ARFGEF3: variants seen among roughly 807,000 people sequenced by gnomAD.
ARFGEF3 encodes the protein brefeldin A-inhibited guanine nucleotide-exchange protein 3.
ARFGEF3 carries 96 observed loss-of-function variants against 221.7 expected under a neutral mutation model. The observed-to-expected ratio is 0.43, with a 90% CI of 0.37 to 0.51. The LOEUF (loss-of-function observed/expected upper bound fraction) is 0.51. Among genes scored for constraint, ARFGEF3 ranks in the 20% least tolerant of loss-of-function variants. ARFGEF3 has a pLI of 0.00. For missense variants in ARFGEF3, 2,410 were observed against 2,789.9 expected, an observed-to-expected ratio of 0.86 and a Z score of 3.07; for synonymous variants, 1,145 against 1,126.8, an observed-to-expected ratio of 1.02 and a Z score of -0.32.
Position 138,254,002 on chromosome 6 carries a change from A to C in ARFGEF3, c.770+18A>C, listed in dbSNP as rs368998989. The C allele has an allele frequency of 9.6e-5, 145 of 1,507,880 alleles. No homozygotes were observed. The African/African-American group carries it at 1.6e-3, about 17-fold the overall frequency. 93.4% of individuals were successfully genotyped at this position (1,507,880 alleles called of 1,614,324 possible). A position where few individuals can be genotyped will look rare whatever the true frequency, so the allele number is the denominator to read the frequency against. On this transcript the variant is annotated intron_variant, in intron 9 of 33. Transcript: ENST00000251691. ...CTGATCTGGTGAGCACCCACTCCTG[A>C]CGCCCCGACGCTGATGCCAACCCAA... is the stretch of plus-strand genomic sequence containing the variant.
intron 2 of ARFGEF3, among the ~76,000 whole-genome samples, chr6:138,199,749 C>G (rs1008139030): frequency 1.3e-5 from 2 of 152,162 alleles, no homozygotes; most frequent in African/African-American, 4.8e-5. Flanking sequence ...TTGCTGAATT[C>G]TTTTATCAGT....
intron 27 of ARFGEF3, among the ~76,000 whole-genome samples, chr6:138,318,809 T>A (rs1190451745): frequency 6.6e-6 from 1 of 152,222 alleles, no homozygotes; most frequent in Non-Finnish European, 1.5e-5. Context: ...ATTTTCATTA[T>A]AGCATAGTCT....
Position 138,242,837 on chromosome 6 carries a change from C to T in ARFGEF3, c.544-115C>T. 13 of 792,632 alleles carry T rather than the reference C, an allele frequency of 1.6e-5. No individual in the cohort carries two copies. The South Asian group carries it at 1.9e-4, about 12-fold the overall frequency. The allele number at this position is 792,632 out of a possible 1,614,324, so 49.1% of individuals were successfully genotyped here. On this transcript the variant is annotated intron_variant, in intron 6 of 33. Coordinates refer to ENST00000251691, the MANE Select transcript of ARFGEF3 (RefSeq NM_020340.5). The stretch of plus-strand genomic sequence containing the variant: ...GTAGGGGTGGGCTCAGGCAAGGTAG[C>T]CGAGCCCAGGGCACCCCGGAAGCCA...
In ARFGEF3 at chr6:138,162,193, G is replaced by A; in HGVS notation, c.85+22G>A. ...CTGGGTAAGCGTCCGGCACCTGCTCGCCGCGGCGGGAGGGCCGCGCGGCCG... is the reference window on the plus strand; with the variant it reads ...CTGGGTAAGCGTCCGGCACCTGCTCACCGCGGCGGGAGGGCCGCGCGGCCG... On this transcript the variant is annotated intron_variant, in intron 1 of 33. Coordinates refer to ENST00000251691, the MANE Select transcript of ARFGEF3 (RefSeq NM_020340.5). The surrounding 1 kb of genome is among the most constrained non-coding windows in gnomAD (Gnocchi z 4.7). 1.9e-6 allele frequency: 3 copies of A among 1,577,758 alleles called. No homozygotes were observed. The highest frequency in any genetic ancestry group is 2.4e-5 in the East Asian group (1 of 42,214).
At chr6:138,235,726 C>T (rs930250112) in intron 5 of ARFGEF3, among the ~76,000 whole-genome samples, 1 of 152,130 alleles carries the variant, frequency 6.6e-6, no homozygotes, top group African/African-American at 2.4e-5. Flanking sequence ...AAGAAACTTT[C>T]CTTTAGAAGA....
At position 138,342,446 on chromosome 6, in the gene ARFGEF3, G is replaced by C. The variant is rs1030314130; in HGVS notation, c.*5960G>C. ...ACAGCAGTCTTGCTCAATCTTCCCA[G>C]TTTCCAGTTTTATTATACCAACAAT... On this transcript the variant is annotated 3_prime_UTR_variant, in exon 34 of 34. Coordinates refer to ENST00000251691, the MANE Select transcript of ARFGEF3 (RefSeq NM_020340.5). 4.3e-4 allele frequency: 65 copies of C among 152,260 alleles called. No homozygotes were observed. The highest frequency in any genetic ancestry group is 1.4e-3 in the African/African-American group (57 of 41,548). 9.4% of individuals were successfully genotyped at this position (152,260 alleles called of 1,614,324 possible). A position where few individuals can be genotyped will look rare whatever the true frequency, so the allele number is the denominator to read the frequency against.
At chr6:138,173,011 A>G (rs1776869566) in intron 2 of ARFGEF3, among the ~76,000 whole-genome samples, 1 of 152,212 alleles carries the variant, frequency 6.6e-6, no homozygotes, top group Admixed American at 6.5e-5. Flanking sequence ...AGAGAAGTAT[A>G]GTAGGGAGGT....
chr6:138,332,206 T>C (rs906868154), intron 32 of ARFGEF3, among the ~76,000 whole-genome samples: 1 of 152,148 alleles, frequency 6.6e-6, no homozygotes, highest in African/African-American at 2.4e-5. Flanking sequence ...TCCAGAATCC[T>C]AGGGGAGTGG....
At chr6:138,325,021 A>G (rs2114685969) in intron 31 of ARFGEF3, among the ~76,000 whole-genome samples, 1 of 152,384 alleles carries the variant, frequency 6.6e-6, no homozygotes, top group Admixed American at 6.5e-5. Context: ...CTGGCTAAAT[A>G]TTCCATCATG....
At chr6:138,265,521 T>TA (rs1161045771) in intron 12 of ARFGEF3, among the ~76,000 whole-genome samples, 1 of 152,190 alleles carries the variant, frequency 6.6e-6, no homozygotes, top group Non-Finnish European at 1.5e-5. Flanking sequence ...ATACTCTTCC[T>TA]AAAAAATTAT....
intron 24 of ARFGEF3, among the ~76,000 whole-genome samples, chr6:138,310,606 C>T (rs1329701745): frequency 6.6e-6 from 1 of 152,086 alleles, no homozygotes; most frequent in African/African-American, 2.4e-5. Context: ...TAACTAATGC[C>T]TAGTAATTAG....
At chr6:138,293,954 T>C in intron 19 of ARFGEF3, 39 bp from the exon 20 acceptor site, 1 of 1,600,260 alleles carries the variant, frequency 6.2e-7, no homozygotes, top group East Asian at 2.2e-5. Flanking sequence ...CCTTGCTGAA[T>C]TGTTTCCAAA....
At position 138,279,906 on chromosome 6, in the gene ARFGEF3, G is replaced by A. The variant is rs116260391; in HGVS notation, c.2296-93G>A. ...ATACACAAGCCTTGGTTTAGTTCAG[G>A]GCTCTGTGACGTGAAGAGGCAGCAG... On this transcript the variant is annotated intron_variant, in intron 13 of 33. Transcript: ENST00000251691. The A allele has an allele frequency of 5.5e-6, 7 of 1,274,090 alleles. No homozygotes were observed. The South Asian group carries it at 9.1e-5, about 17-fold the overall frequency. 78.9% of individuals were successfully genotyped at this position (1,274,090 alleles called of 1,614,324 possible).
intron 20 of ARFGEF3, 111 bp from the exon 21 acceptor site, chr6:138,296,699 C>A: frequency 7.7e-7 from 1 of 1,297,956 alleles, no homozygotes; most frequent in Non-Finnish European, 1.1e-6. Flanking sequence ...TAGCCAATAT[C>A]GAATTACCCT....
chr6:138,177,953 C>G (rs990433221), intron 2 of ARFGEF3, among the ~76,000 whole-genome samples: 1 of 152,034 alleles, frequency 6.6e-6, no homozygotes, highest in Non-Finnish European at 1.5e-5. Flanking sequence ...TTTTATCTGA[C>G]ATTTCAAGGA....
At chr6:138,249,500 T>G (rs1778542447) in intron 8 of ARFGEF3, among the ~76,000 whole-genome samples, 1 of 152,106 alleles carries the variant, frequency 6.6e-6, no homozygotes. Context: ...CAGCTAATTT[T>G]TTATATTTTT....
intron 23 of ARFGEF3, 65 bp downstream of exon 23, chr6:138,307,462 A>T (rs779204224): frequency 2.0e-4 from 98 of 498,962 alleles, no homozygotes; most frequent in Non-Finnish European, 2.4e-4. Flanking sequence ...TCATGCTATT[A>T]AAAAAAAAAA....
At chr6:138,333,891 C>T (rs4895520) in intron 32 of ARFGEF3, 79 bp from the exon 33 acceptor site, 129,470 of 1,450,980 alleles carry the variant, frequency 0.089, 14,500 homozygotes, top group African/African-American at 0.55. Context: ...CGTTCTGAAA[C>T]GGGTAACGTC....
At chr6:138,324,000 G>T (rs1780083233) in intron 30 of ARFGEF3, 23 bp from the exon 31 acceptor site, 2 of 1,609,674 alleles carry the variant, frequency 1.2e-6, no homozygotes, top group African/African-American at 1.3e-5. Context: ...TGCATTCAGT[G>T]AGCATCTGCT....
Sources: allele counts gnomAD v4.1 joint callset (sites outside exome capture counted in the v4.1 genomes callset), GRCh38; gene constraint gnomAD v4.1.1; non-coding constraint Gnocchi (gnomAD v3.1); transcripts MANE v1.5; gene names NCBI Gene and HGNC (gene_info 2026-07-23, HGNC 2026-07-21).